MYLK4: variants seen among roughly 807,000 people sequenced by gnomAD.
MYLK4 encodes myosin light chain kinase family member 4.
MYLK4 carries 46 observed loss-of-function variants against 48.1 expected under a neutral mutation model. The observed-to-expected ratio is 0.96, with a 90% CI of 0.75 to 1.22. MYLK4 has a LOEUF of 1.22. Ranked by LOEUF, MYLK4 falls within the 50% of genes most tolerant of loss-of-function variation. The pLI is 0.00. For missense variants in MYLK4, 451 were observed against 486.1 expected (o/e 0.93, Z 0.68); for synonymous variants, 170 against 180.8 (o/e 0.94, Z 0.48).
chr6:2,767,186 A>G, the MYLK4 span, among the ~76,000 whole-genome samples: 1 of 152,214 alleles, frequency 6.6e-6, no homozygotes, highest in Non-Finnish European at 1.5e-5. Flanking sequence ...CAGTTAGGAT[A>G]TTGTGAGTCT....
chr6:2,749,128 A>T lies in MYLK4; in HGVS notation c.159+8T>A, dbSNP rs1395496731. 1 of 1,611,632 alleles carries T rather than the reference A, an allele frequency of 6.2e-7. No individual in the cohort carries two copies. The highest frequency in any genetic ancestry group is 8.5e-7 in the Non-Finnish European group (1 of 1,179,194). ...ACTTTTTAGGAGACTAAATTAGAAC[A>T]TGATTACCTCATTATGTCCAGATCT... On this transcript the variant is annotated splice_region_variant and intron_variant, in intron 2 of 12. Coordinates refer to ENST00000274643, the MANE Select transcript of MYLK4 (RefSeq NM_001012418.5).
intron 12 of MYLK4, among the ~76,000 whole-genome samples, chr6:2,670,831 G>T (rs1398149969): frequency 6.6e-6 from 1 of 152,112 alleles, no homozygotes; most frequent in African/African-American, 2.4e-5. Flanking sequence ...TTTACAAGCT[G>T]CATGGCCGTG....
chr6:2,732,413 T>C (rs1413047695), intron 2 of MYLK4, among the ~76,000 whole-genome samples: 1 of 152,162 alleles, frequency 6.6e-6, no homozygotes, highest in African/African-American at 2.4e-5. Flanking sequence ...CCCCATTTCT[T>C]TGGCCTCTTC....
chr6:2,703,816 G>A (rs535918059), intron 2 of MYLK4, among the ~76,000 whole-genome samples: 23 of 151,978 alleles, frequency 1.5e-4, no homozygotes, highest in African/African-American at 4.6e-4. Context: ...GACTATAGGC[G>A]TGTGCCACCA....
chr6:2,676,462 A>G (rs1164617868), intron 10 of MYLK4, among the ~76,000 whole-genome samples: 1 of 152,232 alleles, frequency 6.6e-6, no homozygotes, highest in African/African-American at 2.4e-5. Flanking sequence ...AAAAATGATG[A>G]TTCTGTACTC....
At chr6:2,729,538 A>G (rs1189080453) in intron 2 of MYLK4, among the ~76,000 whole-genome samples, 1 of 152,082 alleles carries the variant, frequency 6.6e-6, no homozygotes, top group Non-Finnish European at 1.5e-5. Flanking sequence ...GGGGCCCTGT[A>G]TTTTTTCCCT....
chr6:2,737,293 C>T (rs1435287411), intron 2 of MYLK4, among the ~76,000 whole-genome samples: 1 of 152,244 alleles, frequency 6.6e-6, no homozygotes, highest in African/African-American at 2.4e-5. Context: ...AGCCTGGCGA[C>T]AGAGCGAGAC....
chr6:2,713,958 C>T (rs1234642078), intron 2 of MYLK4, among the ~76,000 whole-genome samples: 2 of 152,118 alleles, frequency 1.3e-5, no homozygotes, highest in Admixed American at 6.5e-5. Flanking sequence ...TGAGATAACA[C>T]CTTATACCCA....
the MYLK4 span, among the ~76,000 whole-genome samples, chr6:2,765,182 A>ACCCCCCCCCCCCCCCCCCCCCC: frequency 1.4e-5 from 1 of 72,924 alleles, no homozygotes; most frequent in Admixed American, 1.5e-4. Context: ...TCGCCTCGCA[A>ACCCCCCCCCCCCCCCCCCCCCC]CCCCCCCCCC....
chr6:2,762,513 A>C, the MYLK4 span, among the ~76,000 whole-genome samples: 1 of 148,700 alleles, frequency 6.7e-6, no homozygotes, highest in Admixed American at 6.7e-5. Context: ...CGTTATCTCT[A>C]TAAATGTTTA....
the MYLK4 span, among the ~76,000 whole-genome samples, chr6:2,766,908 TC>T: frequency 6.6e-6 from 1 of 152,218 alleles, no homozygotes; most frequent in African/African-American, 2.4e-5. Context: ...TCCTTCCTTT[TC>T]CACTAGTTGT....
chr6:2,695,406 C>T (rs780530412), intron 2 of MYLK4, among the ~76,000 whole-genome samples: 11 of 152,174 alleles, frequency 7.2e-5, no homozygotes, highest in Non-Finnish European at 1.2e-4. Flanking sequence ...CACGTTTGCC[C>T]CTGAGGCCAT....
intron 2 of MYLK4, among the ~76,000 whole-genome samples, chr6:2,726,434 G>A (rs773012747): frequency 2.0e-5 from 3 of 151,978 alleles, no homozygotes; most frequent in African/African-American, 7.3e-5. Context: ...GGCTGCTTCC[G>A]TAAATTGCAT....
chr6:2,766,215 C>T, the MYLK4 span: 6 of 1,471,154 alleles, frequency 4.1e-6, no homozygotes, highest in Admixed American at 2.4e-5. Flanking sequence ...GAAGCCGCCA[C>T]CGCCTTCGGG....
At position 2,685,209 on chromosome 6, in the gene MYLK4, C is replaced by G. The variant is rs1451091187; in HGVS notation, c.545+87G>C. On this transcript the variant is annotated intron_variant, in intron 6 of 12. Transcript: ENST00000274643. The surrounding 1 kb of genome is among the most constrained non-coding windows in gnomAD (Gnocchi z 4.5). ...GCGGGGGCGAGCTTGGTTCTGGTCC[C>G]GCTACAGCAGGACGGAGCTACTGAG... 2 of 956,654 alleles carry G rather than the reference C, an allele frequency of 2.1e-6. No individual in the cohort carries two copies. The highest frequency in any genetic ancestry group is 3.4e-6 in the Non-Finnish European group (2 of 592,488). The allele number at this position is 956,654 out of a possible 1,614,324, so 59.3% of individuals were successfully genotyped here.
chr6:2,765,510 G>T, the MYLK4 span: 3 of 1,264,200 alleles, frequency 2.4e-6, no homozygotes. Context: ...GCGTCCTGCT[G>T]GTTCCCCGAG....
At chr6:2,699,292 T>C (rs868081777) in intron 2 of MYLK4, among the ~76,000 whole-genome samples, 51 of 87,044 alleles carry the variant, frequency 5.9e-4, no homozygotes, top group African/African-American at 2.4e-3. Flanking sequence ...CTTTTCTTTT[T>C]TTTTTTTTTT....
intron 2 of MYLK4, among the ~76,000 whole-genome samples, chr6:2,748,657 G>A (rs759744120): frequency 2.0e-5 from 3 of 152,208 alleles, no homozygotes; most frequent in Non-Finnish European, 4.4e-5. Flanking sequence ...CAGAACTCTC[G>A]TTCTGCACAG....
chr6:2,725,562 A>AGAAC, intron 2 of MYLK4, among the ~76,000 whole-genome samples: 1 of 138,434 alleles, frequency 7.2e-6, no homozygotes, highest in Admixed American at 7.4e-5. Flanking sequence ...AAACAAAGAA[A>AGAAC]GAAAGAAAGA....
Sources: gnomAD v4.1 joint callset for allele counts (sites outside exome capture counted in the v4.1 genomes callset) on GRCh38, gnomAD v4.1.1 for gene constraint, Gnocchi (gnomAD v3.1) non-coding constraint, MANE v1.5 for transcripts, NCBI Gene and HGNC (gene_info 2026-07-23, HGNC 2026-07-21) for gene names.